The following DENND5A variants were observed in gnomAD, a reference collection of about 807,000 sequenced individuals.
The protein encoded by DENND5A is DENN domain-containing protein 5A.
Under a neutral mutation model 140.3 loss-of-function variants are expected in DENND5A, and 64 were observed. The ratio of observed to expected loss-of-function variants is 0.46; its 90% CI spans 0.37 to 0.56. DENND5A has a LOEUF of 0.56. DENND5A is among the 20% of genes least tolerant of loss of function. DENND5A has a pLI of 0.00. For missense variants in DENND5A, 1,292 were observed against 1,593.8 expected (o/e 0.81, Z 3.22); for synonymous variants, 605 against 607.7 (o/e 1.00, Z 0.07).
At chr11:9,238,636 G>A (rs1024606223) in intron 1 of DENND5A, among the ~76,000 whole-genome samples, 1 of 151,732 alleles carries the variant, frequency 6.6e-6, no homozygotes, top group East Asian at 1.9e-4. Flanking sequence ...GGATGGTCTC[G>A]ATCTCCTGAC....
intron 1 of DENND5A, among the ~76,000 whole-genome samples, chr11:9,244,236 G>C (rs1851368404): frequency 6.6e-6 from 1 of 152,210 alleles, no homozygotes. Flanking sequence ...TGGTTTAAAT[G>C]TGTCCTTTCC....
intron 1 of DENND5A, among the ~76,000 whole-genome samples, chr11:9,250,760 T>C (rs1473693166): frequency 6.6e-6 from 1 of 152,226 alleles, no homozygotes; most frequent in Non-Finnish European, 1.5e-5. Flanking sequence ...CTCTGATTTC[T>C]AGCTCTGACA....
intron 1 of DENND5A, among the ~76,000 whole-genome samples, chr11:9,242,194 A>G (rs1851266584): frequency 6.6e-6 from 1 of 152,108 alleles, no homozygotes; most frequent in Non-Finnish European, 1.5e-5. Context: ...AAGCTTCACA[A>G]AGGCAGTTTC....
At chr11:9,261,897 C>T (rs1016211546) in intron 1 of DENND5A, among the ~76,000 whole-genome samples, 36 of 151,996 alleles carry the variant, frequency 2.4e-4, no homozygotes, top group African/African-American at 8.2e-4. Flanking sequence ...ACAAAGGCCA[C>T]CTATCGGAAA....
rs535427912 is a variant in DENND5A at position 9,147,941 on chromosome 11, C to T, written c.2736-790G>A. The stretch of plus-strand genomic sequence containing the variant: ...CCAAGCTGCAATCACCATGGCCAGA[C>T]GGGTACAGAATTCAGAACTGTGAGG... On this transcript the variant is annotated intron_variant, in intron 15 of 22. Coordinates refer to ENST00000328194, the MANE Select transcript of DENND5A (RefSeq NM_015213.4). Among the ~76,000 whole-genome samples, 4 of 152,242 alleles carry T rather than the reference C, an allele frequency of 2.6e-5. No homozygotes were observed. The South Asian group carries it at 6.2e-4, about 24-fold the overall frequency.
intron 4 of DENND5A, 42 bp from the exon 5 acceptor site, chr11:9,193,723 C>G (rs1190074795): frequency 2.6e-6 from 4 of 1,527,384 alleles, no homozygotes; most frequent in Non-Finnish European, 3.5e-6. Flanking sequence ...ACAAATCAGT[C>G]AAAAACAAGG....
chr11:9,156,858 TGGAAGGATGGATGGAA>T (rs1847819964), intron 12 of DENND5A, among the ~76,000 whole-genome samples: 1 of 120,248 alleles, frequency 8.3e-6, no homozygotes, highest in Non-Finnish European at 1.8e-5. Context: ...GACAGAGGGA[TGGAAGGATGGATGGAA>T]GGAAGGAAGG....
chr11:9,177,552 G>A (rs1350243986), intron 8 of DENND5A, among the ~76,000 whole-genome samples: 1 of 151,778 alleles, frequency 6.6e-6, no homozygotes, highest in African/African-American at 2.4e-5. Flanking sequence ...TTGCTTGGGA[G>A]GCTGAGGCAA....
At chr11:9,239,464 G>A (rs1224543597) in intron 1 of DENND5A, among the ~76,000 whole-genome samples, 2 of 151,002 alleles carry the variant, frequency 1.3e-5, no homozygotes, top group African/African-American at 4.9e-5. Context: ...AGCCTCCCAA[G>A]TAGCTGAGAC....
chr11:9,216,289 A>G (rs1850091132), intron 1 of DENND5A, among the ~76,000 whole-genome samples: 1 of 152,210 alleles, frequency 6.6e-6, no homozygotes. Context: ...AGAGCCTGAT[A>G]CAGCATGGGA....
rs1554909286 is a variant in DENND5A at position 9,142,732 on chromosome 11, C to T, written c.3501G>A (p.Trp1167Ter). 6.2e-7 allele frequency: 1 copy of T among 1,614,146 alleles called. No individual in the cohort carries two copies. The highest frequency in any genetic ancestry group is 8.5e-7 in the Non-Finnish European group (1 of 1,180,028). The change falls in exon 21 of 23, where the codon TGG becomes TGA. Residue 1167 changes from tryptophan (W) to a stop codon, truncating the protein, a stop_gained. Transcript: ENST00000328194. LOFTEE classifies it high-confidence loss of function. ...TCCAGCTCAACTCACCCAGGAAATC[C>T]CAAATGAAGACATTTTTGAAGAGCC... ...SPRLFKNVFI[W>*]DFLEKAQTYY...
Position 9,194,426 on chromosome 11 carries a change from G to A in DENND5A, c.950-745C>T, listed in dbSNP as rs141609953. ...TCTACTAAAAATACAAAAATTAGCC[G>A]GGCGTGGTGGCATGCACCTGTAATC... On this transcript the variant is annotated intron_variant, in intron 4 of 22. Coordinates refer to ENST00000328194, the MANE Select transcript of DENND5A (RefSeq NM_015213.4). Among the ~76,000 whole-genome samples the A allele has an allele frequency of 3.0e-3, 458 of 152,040 alleles. 3 individuals are homozygous for A. The highest frequency in any genetic ancestry group is 9.7e-3 in the African/African-American group (404 of 41,482).
chr11:9,229,929 C>T (rs1850695257), intron 1 of DENND5A, among the ~76,000 whole-genome samples: 1 of 90,460 alleles, frequency 1.1e-5, no homozygotes, highest in African/African-American at 4.3e-5. Flanking sequence ...TTTTTTGAGA[C>T]AGTCTTGCTC....
intron 22 of DENND5A, among the ~76,000 whole-genome samples, chr11:9,141,635 G>A (rs1231070769): frequency 6.6e-6 from 1 of 152,084 alleles, no homozygotes; most frequent in Non-Finnish European, 1.5e-5. Context: ...AAAACACAAT[G>A]GTAAGTATTT....
At chr11:9,253,579 G>A (rs955413580) in intron 1 of DENND5A, among the ~76,000 whole-genome samples, 1 of 151,846 alleles carries the variant, frequency 6.6e-6, no homozygotes, top group African/African-American at 2.4e-5. Flanking sequence ...TGGGCAAGAT[G>A]GTGAGAACCC....
At chr11:9,142,657 T>C (rs963600069) in intron 21 of DENND5A, 65 bp downstream of exon 21, 3 of 1,597,606 alleles carry the variant, frequency 1.9e-6, no homozygotes, top group Non-Finnish European at 2.6e-6. Flanking sequence ...GCACCCATGC[T>C]ATGCTGGTGA....
intron 21 of DENND5A, among the ~76,000 whole-genome samples, 163 bp downstream of exon 21, chr11:9,142,559 G>A (rs187654275): frequency 2.0e-5 from 3 of 152,308 alleles, no homozygotes; most frequent in African/African-American, 4.8e-5. Flanking sequence ...GGGGAGGAGA[G>A]CTCTTGTCAC....
At chr11:9,250,105 G>C (rs1851658205) in intron 1 of DENND5A, among the ~76,000 whole-genome samples, 1 of 148,652 alleles carries the variant, frequency 6.7e-6, no homozygotes, top group Non-Finnish European at 1.5e-5. Flanking sequence ...TTATTATCAA[G>C]AATATGGCTA....
intron 9 of DENND5A, chr11:9,170,221 T>C: frequency 1.1e-6 from 1 of 945,278 alleles, no homozygotes; most frequent in Non-Finnish European, 1.3e-6. Context: ...CTTAACTCTA[T>C]CTGGGCTTTG....
Sources: allele counts gnomAD v4.1 joint callset (sites outside exome capture counted in the v4.1 genomes callset), GRCh38; gene constraint gnomAD v4.1.1; transcripts MANE v1.5; gene names NCBI Gene and HGNC (gene_info 2026-07-23, HGNC 2026-07-21).